Variants in KIF3A observed in about 807,000 individuals in gnomAD.
The protein encoded by KIF3A is kinesin-like protein KIF3A.
KIF3A carries 27 observed loss-of-function variants against 92.6 expected under a neutral mutation model. The observed-to-expected ratio is 0.29, with a 90% CI of 0.21 to 0.40. The LOEUF (loss-of-function observed/expected upper bound fraction) is 0.40, where lower values mean the gene tolerates loss of function less well. KIF3A is among the 10% of genes least tolerant of loss of function. The pLI is 1.00. For missense variants in KIF3A, 581 were observed against 872.6 expected, an observed-to-expected ratio of 0.67 and a Z score of 4.21; for synonymous variants, 250 against 275.4, an observed-to-expected ratio of 0.91 and a Z score of 0.92.
chr5:132,696,715 G>C (rs1290627534), intron 18 of KIF3A, 33 bp from the exon 19 acceptor site: 1 of 1,543,676 alleles, frequency 6.5e-7, no homozygotes. Context: ...AATCATGAAT[G>C]CTTTCCTAAA....
downstream of KIF3A, chr5:132,692,524 C>A (rs530378101): frequency 6.6e-6 from 1 of 152,440 alleles, no homozygotes; most frequent in East Asian, 1.9e-4. Flanking sequence ...ACAGGCCTCT[C>A]TTAACCACAA....
chr5:132,728,745 C>CAATAAATAAATAAATAAATA (rs3048989), intron 2 of KIF3A, among the ~76,000 whole-genome samples: 171 of 149,690 alleles, frequency 1.1e-3, no homozygotes, highest in African/African-American at 3.1e-3. Context: ...TCAAAAAATA[C>CAATAAATAAATAAATAAATA]AATAAATAAA....
At chr5:132,725,811 A>G (rs186397562) in intron 4 of KIF3A, among the ~76,000 whole-genome samples, 1 of 152,246 alleles carries the variant, frequency 6.6e-6, no homozygotes, top group African/African-American at 2.4e-5. Flanking sequence ...CTCTACATAC[A>G]TTATTCTCCT....
In KIF3A at chr5:132,737,539, G is replaced by A; in HGVS notation, c.-120C>T. 2 of 1,200,886 alleles carry A rather than the reference G, an allele frequency of 1.7e-6. No homozygotes were observed. Among genetic ancestry groups the A allele is most frequent in the South Asian group, 3.1e-5 (2 of 64,514 alleles). 74.4% of individuals were successfully genotyped at this position (1,200,886 alleles called of 1,614,324 possible). On this transcript the variant is annotated 5_prime_UTR_variant, in exon 1 of 19. Transcript: ENST00000403231. ...ACCTCGTTGACGCTCTCGAGACTGC[G>A]GCTTCTCGGGCGAGAGCGCCCAGTG...
chr5:132,713,062 G>A (rs937356760), intron 8 of KIF3A, among the ~76,000 whole-genome samples: 1 of 152,180 alleles, frequency 6.6e-6, no homozygotes, highest in African/African-American at 2.4e-5. Flanking sequence ...GGAGGTTGAG[G>A]CAGGAGAATC....
intron 8 of KIF3A, among the ~76,000 whole-genome samples, chr5:132,714,730 T>C (rs1753558881): frequency 1.3e-5 from 2 of 152,206 alleles, no homozygotes; most frequent in South Asian, 2.1e-4. Context: ...GCGAATATAC[T>C]TGATGCCACT....
In KIF3A at chr5:132,699,611, T is replaced by C. The variant is rs1028373907; in HGVS notation, c.2008-316A>G. The C allele has an allele frequency of 1.8e-5, 8 of 449,068 alleles. No individual in the cohort carries two copies. In the East Asian group the frequency reaches 5.4e-4, roughly 31 times the overall value. 27.8% of individuals were successfully genotyped at this position (449,068 alleles called of 1,614,324 possible). ...TCTCACTCTGTCGCCCAGGCTGGAGTGCAGTAGCGCGATCTGGGCTCACTG... is the reference window on the plus strand; with the variant it reads ...TCTCACTCTGTCGCCCAGGCTGGAGCGCAGTAGCGCGATCTGGGCTCACTG... On this transcript the variant is annotated intron_variant, in intron 17 of 18. Transcript: ENST00000403231.
At position 132,726,116 on chromosome 5, in the gene KIF3A, A is replaced by C; in HGVS notation, c.510+12T>G. On this transcript the variant is annotated intron_variant, in intron 4 of 18. Transcript: ENST00000403231. The stretch of plus-strand genomic sequence containing the variant: ...TTGGAAAAAGTACTCCACCAATTTC[A>C]ATTATCCTTACCTCTAACCTTTGTG... The C allele has an allele frequency of 1.9e-6, 3 of 1,569,528 alleles. No individual in the cohort carries two copies. Among genetic ancestry groups the C allele is most frequent in the Non-Finnish European group, 1.7e-6 (2 of 1,155,848 alleles).
At chr5:132,737,128 C>G (rs1217369242) in intron 1 of KIF3A, among the ~76,000 whole-genome samples, 1 of 152,238 alleles carries the variant, frequency 6.6e-6, no homozygotes, top group African/African-American at 2.4e-5. Flanking sequence ...CGAGCCAGAG[C>G]GCATCCTCCA....
At chr5:132,706,303 A>C (rs952491335) in intron 11 of KIF3A, 148 bp downstream of exon 11, 1 of 489,316 alleles carries the variant, frequency 2.0e-6, no homozygotes, top group Non-Finnish European at 3.4e-6. Flanking sequence ...TTTAAAAGCT[A>C]AAGTTGAAAG....
At chr5:132,711,393 A>C (rs1379391143) in intron 8 of KIF3A, among the ~76,000 whole-genome samples, 1 of 152,152 alleles carries the variant, frequency 6.6e-6, no homozygotes, top group African/African-American at 2.4e-5. Flanking sequence ...AGAGTTTGAG[A>C]CCAGCCTGGC....
downstream of KIF3A, among the ~76,000 whole-genome samples, chr5:132,688,862 T>C (rs1752602419): frequency 6.6e-6 from 1 of 152,190 alleles, no homozygotes; most frequent in Non-Finnish European, 1.5e-5. Context: ...TTAAATTCCT[T>C]TGCACAACTG....
chr5:132,700,194 G>GTT, intron 17 of KIF3A, 22 bp downstream of exon 17: 8 of 1,353,114 alleles, frequency 5.9e-6, no homozygotes, highest in African/African-American at 1.5e-5. Context: ...GTTTTGTTTT[G>GTT]TTTTTTTTTA....
intron 4 of KIF3A, among the ~76,000 whole-genome samples, chr5:132,725,813 T>C (rs898598102): frequency 6.6e-6 from 1 of 152,160 alleles, no homozygotes; most frequent in African/African-American, 2.4e-5. Flanking sequence ...CTACATACAT[T>C]ATTCTCCTCT....
chr5:132,718,835 C>T (rs1253925696), intron 5 of KIF3A, among the ~76,000 whole-genome samples: 2 of 151,898 alleles, frequency 1.3e-5, no homozygotes, highest in Non-Finnish European at 2.9e-5. Flanking sequence ...CGCCATGTTG[C>T]ACAGGCTGGT....
chr5:132,727,284 A>G (rs1383943865), intron 2 of KIF3A, among the ~76,000 whole-genome samples: 1 of 152,252 alleles, frequency 6.6e-6, no homozygotes, highest in Non-Finnish European at 1.5e-5. Flanking sequence ...CAAGACAAAC[A>G]CAATCCCTAA....
At chr5:132,710,610 C>T (rs1169241263) in intron 9 of KIF3A, among the ~76,000 whole-genome samples, 2 of 152,044 alleles carry the variant, frequency 1.3e-5, no homozygotes, top group African/African-American at 2.4e-5. Flanking sequence ...AATGAGACTC[C>T]GTCTCAAAAC....
intron 4 of KIF3A, chr5:132,723,286 T>C (rs982860252): frequency 6.6e-6 from 1 of 152,094 alleles, no homozygotes; most frequent in Non-Finnish European, 1.5e-5. Flanking sequence ...CGTCACAGAA[T>C]TGGAAAAAAC....
chr5:132,699,841 C>T (rs913045854), intron 17 of KIF3A, among the ~76,000 whole-genome samples: 2 of 152,128 alleles, frequency 1.3e-5, no homozygotes, highest in African/African-American at 2.4e-5. Context: ...GGATTACAGG[C>T]GTGAGCCACC....
Sources: gnomAD v4.1 joint callset for allele counts (sites outside exome capture counted in the v4.1 genomes callset) on GRCh38, gnomAD v4.1.1 for gene constraint, MANE v1.5 for transcripts, NCBI Gene and HGNC (gene_info 2026-07-23, HGNC 2026-07-21) for gene names.